Variants in KIF6 observed in about 807,000 individuals in gnomAD.
The protein encoded by KIF6 is kinesin-like protein KIF6.
Under a neutral mutation model 112.7 loss-of-function variants are expected in KIF6, and 106 were observed. The ratio of observed to expected loss-of-function variants is 0.94; its 90% confidence interval spans 0.80 to 1.11. The LOEUF (loss-of-function observed/expected upper bound fraction) is 1.11. Among genes scored for constraint, KIF6 ranks in the 50% least tolerant of loss-of-function variants. The pLI, the probability that KIF6 is intolerant of heterozygous loss-of-function variation, is 0.00. For synonymous variants in KIF6, 339 were observed against 339.9 expected, an observed-to-expected ratio of 1.00 and a Z score of 0.03; for missense variants, 929 against 964.0, an observed-to-expected ratio of 0.96 and a Z score of 0.48.
At position 39,469,699 on chromosome 6, in the gene KIF6, T is replaced by C. The variant is rs1774007884; in HGVS notation, c.1646-38538A>G. Among the ~76,000 whole-genome samples, 3 of 152,304 alleles carry C rather than the reference T, an allele frequency of 2.0e-5. No homozygotes were observed. In the South Asian group the frequency reaches 6.2e-4, roughly 32 times the overall value. On this transcript the variant is annotated intron_variant, in intron 13 of 22. Transcript: ENST00000287152. ...TTAAATCTAGCACCCATTAGTTATG[T>C]TTCCTGATCAAGAGGGACATTTCAT...
chr6:39,534,015 G>A lies in KIF6; in HGVS notation c.1645+5988C>T, dbSNP rs1023897803. On this transcript the variant is annotated intron_variant, in intron 13 of 22. Coordinates refer to ENST00000287152, the MANE Select transcript of KIF6 (RefSeq NM_145027.6). ...CAGCTGAGGGTCCTGTCTGTTAGAA[G>A]GAAAACTAACAAACAGAAAGGACAT... 3.3e-5 allele frequency among the ~76,000 whole-genome samples: 5 copies of A among 152,234 alleles called. No homozygotes were observed. The East Asian group carries it at 9.6e-4, about 29-fold the overall frequency.
At chr6:39,552,038 A>G (rs1779413776) in intron 10 of KIF6, among the ~76,000 whole-genome samples, 1 of 152,254 alleles carries the variant, frequency 6.6e-6, no homozygotes, top group African/African-American at 2.4e-5. Context: ...ATCTACATTT[A>G]ACAACATTCC....
chr6:39,453,341 C>T (rs1327064656), intron 13 of KIF6, among the ~76,000 whole-genome samples: 1 of 152,178 alleles, frequency 6.6e-6, no homozygotes, highest in Non-Finnish European at 1.5e-5. Context: ...GACTGAAAGG[C>T]AATGTCGTCC....
At position 39,390,226 on chromosome 6, in the gene KIF6, G is replaced by A. The variant is rs541935541; in HGVS notation, c.1811-4554C>T. On this transcript the variant is annotated intron_variant, in intron 15 of 22. Coordinates refer to ENST00000287152, the MANE Select transcript of KIF6 (RefSeq NM_145027.6). Reference sequence around the variant, plus strand: ...TGCTATATCTCAAGATCTTTCAGAGGAGCAAGGGATAACGCACCAGCATGT... The same window carrying A: ...TGCTATATCTCAAGATCTTTCAGAGAAGCAAGGGATAACGCACCAGCATGT... Among the ~76,000 whole-genome samples, 11 of 152,188 alleles carry A rather than the reference G, an allele frequency of 7.2e-5. No individual in the cohort carries two copies. In the South Asian group the frequency reaches 1.0e-3, roughly 14 times the overall value.
At chr6:39,421,854 G>A (rs1206053488) in intron 14 of KIF6, among the ~76,000 whole-genome samples, 2 of 152,174 alleles carry the variant, frequency 1.3e-5, no homozygotes, top group African/African-American at 4.8e-5. Context: ...ACTGTGCTGG[G>A]CTCTGTGGGC....
At chr6:39,707,394 CTCT>C (rs1472963264) in intron 3 of KIF6, among the ~76,000 whole-genome samples, 3 of 152,174 alleles carry the variant, frequency 2.0e-5, no homozygotes, top group Non-Finnish European at 4.4e-5. Flanking sequence ...AGACAGTAGA[CTCT>C]TCTTGAGGAT....
At chr6:39,421,083 G>A (rs888151806) in intron 14 of KIF6, among the ~76,000 whole-genome samples, 4 of 152,214 alleles carry the variant, frequency 2.6e-5, no homozygotes, top group African/African-American at 9.6e-5. Context: ...TGAAGTTAAA[G>A]AGACAATTGA....
intron 14 of KIF6, among the ~76,000 whole-genome samples, chr6:39,425,008 G>A (rs1770659480): frequency 6.6e-6 from 1 of 152,150 alleles, no homozygotes; most frequent in Non-Finnish European, 1.5e-5. Context: ...GGTGTGTCAG[G>A]CGGAGATACT....
At position 39,720,825 on chromosome 6, in the gene KIF6, G is replaced by A. The variant is rs371943709; in HGVS notation, c.67-14C>T. ...TATGGAATAAATCTGCAAATGTGAA[G>A]ACAACAAATGGATATAAAATGGTGA... On this transcript the variant is annotated splice_polypyrimidine_tract_variant and intron_variant, in intron 1 of 22. Coordinates refer to ENST00000287152, the MANE Select transcript of KIF6 (RefSeq NM_145027.6). 8 of 1,084,588 alleles carry A rather than the reference G, an allele frequency of 7.4e-6. No homozygotes were observed. In the African/African-American group the frequency reaches 1.2e-4, roughly 17 times the overall value. 67.2% of individuals were successfully genotyped at this position (1,084,588 alleles called of 1,614,324 possible). A position where few individuals can be genotyped will look rare whatever the true frequency, so the allele number is the denominator to read the frequency against.
At chr6:39,429,823 G>A (rs933275318) in intron 14 of KIF6, among the ~76,000 whole-genome samples, 37 of 151,968 alleles carry the variant, frequency 2.4e-4, no homozygotes, top group Non-Finnish European at 4.6e-4. Flanking sequence ...CAGGAGAATC[G>A]CTTGAACCCG....
At chr6:39,538,541 G>A (rs1410184356) in intron 13 of KIF6, among the ~76,000 whole-genome samples, 1 of 152,016 alleles carries the variant, frequency 6.6e-6, no homozygotes, top group African/African-American at 2.4e-5. Flanking sequence ...CAGTTAGAAT[G>A]GCCATCATTA....
chr6:39,331,428 A>G lies in KIF6; in HGVS notation c.*5104T>C, dbSNP rs1762731368. The G allele has an allele frequency of 6.7e-6, 1 of 150,154 alleles. No individual in the cohort carries two copies. The highest frequency in any genetic ancestry group is 6.6e-5 in the Admixed American group (1 of 15,054). The allele number at this position is 150,154 out of a possible 1,614,324, so 9.3% of individuals were successfully genotyped here. A position where few individuals can be genotyped will look rare whatever the true frequency, so the allele number is the denominator to read the frequency against. ...AGAAGGAGTCTCGCTCTTGTTGCCC[A>G]GGTTGGAGTGCAGTGGCACGATCTC... On this transcript the variant is annotated 3_prime_UTR_variant, in exon 23 of 23. Transcript: ENST00000287152.
At chr6:39,526,311 T>A (rs1026194103) in intron 13 of KIF6, among the ~76,000 whole-genome samples, 3 of 152,246 alleles carry the variant, frequency 2.0e-5, no homozygotes, top group African/African-American at 7.2e-5. Flanking sequence ...TTTGTTCTGA[T>A]CATACCCTTT....
chr6:39,420,895 A>G (rs977574615), intron 14 of KIF6, among the ~76,000 whole-genome samples: 4 of 151,972 alleles, frequency 2.6e-5, no homozygotes, highest in African/African-American at 9.7e-5. Context: ...TTGCTGTGCT[A>G]ATGTTTAGTG....
At chr6:39,579,563 G>C (rs1781175545) in intron 9 of KIF6, among the ~76,000 whole-genome samples, 1 of 152,006 alleles carries the variant, frequency 6.6e-6, no homozygotes, top group Non-Finnish European at 1.5e-5. Context: ...TTAAATGAAA[G>C]TTCAGAATTT....
chr6:39,425,481 A>G (rs994935069), intron 14 of KIF6, among the ~76,000 whole-genome samples: 2 of 151,698 alleles, frequency 1.3e-5, no homozygotes, highest in African/African-American at 4.8e-5. Context: ...TTCCCGTTTC[A>G]TCTCTCCCAC....
chr6:39,442,743 G>A (rs925214857), intron 13 of KIF6, among the ~76,000 whole-genome samples: 34 of 152,148 alleles, frequency 2.2e-4, no homozygotes, highest in Admixed American at 7.9e-4. Context: ...GTGGAAGAAC[G>A]CGTGTGTCTG....
At chr6:39,711,584 G>T (rs1371480439) in intron 3 of KIF6, among the ~76,000 whole-genome samples, 1 of 152,082 alleles carries the variant, frequency 6.6e-6, no homozygotes, top group South Asian at 2.1e-4. Flanking sequence ...TGTTGCCCAG[G>T]CTGGTCTTGA....
intron 16 of KIF6, among the ~76,000 whole-genome samples, chr6:39,382,821 C>A (rs1330938131): frequency 6.6e-6 from 1 of 151,878 alleles, no homozygotes; most frequent in Admixed American, 6.6e-5. Context: ...TGCAACCTTG[C>A]CAACATCCGT....
Sources: gnomAD v4.1 joint callset for allele counts (sites outside exome capture counted in the v4.1 genomes callset) on GRCh38, gnomAD v4.1.1 for gene constraint, MANE v1.5 for transcripts, NCBI Gene and HGNC (gene_info 2026-07-23, HGNC 2026-07-21) for gene names.